ANO3: variants seen among roughly 807,000 people sequenced by gnomAD.
The protein encoded by ANO3 is anoctamin-3.
ANO3 carries 99 observed loss-of-function variants against 144.8 expected under a neutral mutation model. That is an observed-to-expected ratio of 0.68 (90% CI 0.58 to 0.81). The LOEUF is 0.81. ANO3 is among the 30% of genes least tolerant of loss of function. The pLI is 0.00. For synonymous variants in ANO3, 414 were observed against 392.6 expected (o/e 1.05, Z -0.64); for missense variants, 905 against 1,202.2 (o/e 0.75, Z 3.66).
chr11:26,645,708 G>A (rs1246423913), intron 23 of ANO3, among the ~76,000 whole-genome samples: 1 of 151,986 alleles, frequency 6.6e-6, no homozygotes, highest in Non-Finnish European at 1.5e-5. Flanking sequence ...CCTTTTTGGG[G>A]GGCAGAGGGA....
chr11:26,312,966 T>C (rs1854535298), intron 1 of ANO3, among the ~76,000 whole-genome samples: 1 of 152,230 alleles, frequency 6.6e-6, no homozygotes, highest in Non-Finnish European at 1.5e-5. Flanking sequence ...CTTTGGAAAT[T>C]CTGTTTAAAT....
At position 26,348,463 on chromosome 11, in the gene ANO3, A is replaced by C. The variant is rs373823141; in HGVS notation, c.46+16142A>C. On this transcript the variant is annotated intron_variant, in intron 1 of 26. Coordinates refer to ENST00000256737, the MANE Select transcript of ANO3 (RefSeq NM_031418.4). The stretch of plus-strand genomic sequence containing the variant: ...GCTTCTTTTACCAAATATTGATGGA[A>C]CTCTTACCATATTTTACATTCTAAA... Among the ~76,000 whole-genome samples the C allele has an allele frequency of 1.4e-4, 22 of 152,214 alleles. No homozygotes were observed. In the South Asian group the frequency reaches 4.4e-3, roughly 30 times the overall value.
intron 14 of ANO3, among the ~76,000 whole-genome samples, chr11:26,580,917 T>G (rs1851112391): frequency 6.6e-6 from 1 of 152,210 alleles, no homozygotes; most frequent in African/African-American, 2.4e-5. Flanking sequence ...TGCTGATTGA[T>G]GGGCCACTGG....
At chr11:26,427,764 T>C (rs1857960940) in intron 1 of ANO3, among the ~76,000 whole-genome samples, 1 of 152,114 alleles carries the variant, frequency 6.6e-6, no homozygotes. Flanking sequence ...GAGGTTTAAT[T>C]GACTCACAGT....
intron 5 of ANO3, among the ~76,000 whole-genome samples, chr11:26,509,109 A>C (rs199949184): frequency 0.15 from 22,171 of 147,180 alleles, 1,719 homozygotes; most frequent in South Asian, 0.24. Context: ...CTCTCTCTAT[A>C]TATATATATA....
intron 14 of ANO3, chr11:26,563,411 G>C (rs1312253112): frequency 1.0e-5 from 7 of 701,010 alleles, no homozygotes; most frequent in Non-Finnish European, 1.5e-5. Flanking sequence ...GTGTGTGTGT[G>C]TGTGTGTGTG....
chr11:26,279,403 T>C (rs1341118715), intron 1 of ANO3, among the ~76,000 whole-genome samples: 1 of 152,206 alleles, frequency 6.6e-6, no homozygotes, highest in Non-Finnish European at 1.5e-5. Flanking sequence ...AAGTTTGTCC[T>C]ATGGATACAT....
chr11:26,204,560 C>A (rs1021752345), intron 1 of ANO3, among the ~76,000 whole-genome samples: 4 of 152,066 alleles, frequency 2.6e-5, no homozygotes, highest in African/African-American at 9.7e-5. Context: ...GCCCTAAGAA[C>A]CTTTCATTTT....
chr11:26,404,531 A>C (rs1857227447), intron 1 of ANO3, among the ~76,000 whole-genome samples: 1 of 151,824 alleles, frequency 6.6e-6, no homozygotes, highest in Non-Finnish European at 1.5e-5. Context: ...GATTAGAATT[A>C]ATGCATGCAA....
intron 1 of ANO3, among the ~76,000 whole-genome samples, chr11:26,414,539 A>T (rs1416368631): frequency 1.3e-5 from 2 of 151,842 alleles, no homozygotes; most frequent in African/African-American, 4.8e-5. Context: ...GAGTTGAACA[A>T]TGAGAACTCA....
rs1201831685 is a variant in ANO3 at position 26,451,379 on chromosome 11, C to G, written c.313+7543C>G. ...CACCTGGAAAATCGGGTCACTCCCA[C>G]CCGAATACTGCGCTTTTCCGACGGG... On this transcript the variant is annotated intron_variant, in intron 3 of 26. Coordinates refer to ENST00000256737, the MANE Select transcript of ANO3 (RefSeq NM_031418.4). 6.6e-5 allele frequency among the ~76,000 whole-genome samples: 10 copies of G among 152,308 alleles called. No homozygotes were observed. The East Asian group carries it at 1.9e-3, about 29-fold the overall frequency.
intron 1 of ANO3, among the ~76,000 whole-genome samples, chr11:26,293,676 C>T (rs936232325): frequency 2.7e-5 from 4 of 150,916 alleles, no homozygotes; most frequent in African/African-American, 7.3e-5. Context: ...ATATTTCACA[C>T]TAACAGAGAC....
At chr11:26,553,862 G>C (rs532643837) in intron 13 of ANO3, among the ~76,000 whole-genome samples, 1 of 152,096 alleles carries the variant, frequency 6.6e-6, no homozygotes, top group South Asian at 2.1e-4. Flanking sequence ...AAATTTTCCT[G>C]GGTGATTTCA....
At chr11:26,262,150 C>G (rs1244412822) in intron 1 of ANO3, among the ~76,000 whole-genome samples, 1 of 152,200 alleles carries the variant, frequency 6.6e-6, no homozygotes, top group Non-Finnish European at 1.5e-5. Context: ...CATTGCCCAG[C>G]TTACGTTTAG....
At chr11:26,357,853 A>G (rs766398866) in intron 1 of ANO3, among the ~76,000 whole-genome samples, 5 of 152,210 alleles carry the variant, frequency 3.3e-5, no homozygotes, top group Non-Finnish European at 7.3e-5. Flanking sequence ...TTCATTTTGC[A>G]TAAATATCTT....
At chr11:26,404,502 T>G (rs144812718) in intron 1 of ANO3, among the ~76,000 whole-genome samples, 4 of 151,678 alleles carry the variant, frequency 2.6e-5, no homozygotes, top group Admixed American at 6.6e-5. Context: ...AATATTCTAG[T>G]GAGTAAGAGT....
intron 1 of ANO3, among the ~76,000 whole-genome samples, chr11:26,315,172 T>C (rs1022665692): frequency 2.0e-5 from 3 of 152,200 alleles, no homozygotes; most frequent in Non-Finnish European, 4.4e-5. Context: ...CATCTTGTTT[T>C]CTATCAGTCC....
At chr11:26,282,377 G>A (rs553514369) in intron 1 of ANO3, among the ~76,000 whole-genome samples, 19 of 151,696 alleles carry the variant, frequency 1.3e-4, no homozygotes, top group African/African-American at 4.6e-4. Flanking sequence ...TGGTTGTTAG[G>A]AAACTCAGAC....
At chr11:26,243,553 A>C (rs903511015) in intron 1 of ANO3, among the ~76,000 whole-genome samples, 1 of 152,154 alleles carries the variant, frequency 6.6e-6, no homozygotes, top group Non-Finnish European at 1.5e-5. Flanking sequence ...TTGGTTGACT[A>C]AGGTTGGCTT....
Sources: allele counts gnomAD v4.1 joint callset (sites outside exome capture counted in the v4.1 genomes callset), GRCh38; gene constraint gnomAD v4.1.1; transcripts MANE v1.5; gene names NCBI Gene and HGNC (gene_info 2026-07-23, HGNC 2026-07-21).